Variants in DCUN1D4 observed in about 807,000 individuals in gnomAD.
The protein encoded by DCUN1D4 is defective in cullin neddylation 1 domain containing 4, also known as DCN1-like protein 4.
A neutral mutation model predicts 47.9 loss-of-function variants in DCUN1D4; 22 were observed. The ratio of observed to expected loss-of-function variants is 0.46; its 90% confidence interval spans 0.33 to 0.66. The LOEUF (loss-of-function observed/expected upper bound fraction) is 0.66, where lower values mean the gene tolerates loss of function less well. DCUN1D4 is among the 30% of genes least tolerant of loss of function. DCUN1D4 has a pLI of 0.02. For synonymous variants in DCUN1D4, 121 were observed against 112.2 expected, an observed-to-expected ratio of 1.08 and a Z score of -0.50; for missense variants, 301 against 340.8, an observed-to-expected ratio of 0.88 and a Z score of 0.92.
At chr4:51,868,074 C>G (rs1726257195) in intron 3 of DCUN1D4, among the ~76,000 whole-genome samples, 1 of 152,246 alleles carries the variant, frequency 6.6e-6, no homozygotes, top group Non-Finnish European at 1.5e-5. Flanking sequence ...ACGACAGTGC[C>G]TGGGCTCAGC....
intron 1 of DCUN1D4, among the ~76,000 whole-genome samples, chr4:51,857,304 A>G (rs557559652): frequency 6.6e-6 from 1 of 152,284 alleles, no homozygotes; most frequent in South Asian, 2.1e-4. Context: ...TTTTACAGCC[A>G]GTGTCTAACT....
At chr4:51,885,328 T>C (rs1313513001) in intron 5 of DCUN1D4, among the ~76,000 whole-genome samples, 3 of 151,978 alleles carry the variant, frequency 2.0e-5, no homozygotes, top group Non-Finnish European at 4.4e-5. Context: ...AAGAAATAAT[T>C]AGAAGGTAAA....
At chr4:51,866,398 GATGATGATGATGT>G (rs1725916591) in intron 3 of DCUN1D4, among the ~76,000 whole-genome samples, 1 of 118,716 alleles carries the variant, frequency 8.4e-6, no homozygotes, top group African/African-American at 4.9e-5. Flanking sequence ...TGATGATGAT[GATGATGATGATGT>G]ATTTTTTCCT....
rs796520185 is a variant in DCUN1D4 at position 51,846,821 on chromosome 4, TTTC to T, written c.25+3562_25+3564del. On this transcript the variant is annotated intron_variant, in intron 1 of 10. Transcript: ENST00000334635. ...ATTAAGGATCTAGGTTCTGCATCTT[TTTC>T]TTCTTCTATTAGTGTTTTAGCTTTT... 1.5e-4 allele frequency among the ~76,000 whole-genome samples: 23 copies of T among 152,354 alleles called. No individual in the cohort carries two copies. In the South Asian group the frequency reaches 2.3e-3, roughly 15 times the overall value.
At chr4:51,844,952 C>A (rs1241537922) in intron 1 of DCUN1D4, 1 of 985,386 alleles carries the variant, frequency 1.0e-6, no homozygotes, top group African/African-American at 1.7e-5. Flanking sequence ...TTCCCAGGGA[C>A]GGAGCGACTC....
chr4:51,871,228 C>G (rs1156438462), intron 3 of DCUN1D4, among the ~76,000 whole-genome samples: 1 of 151,080 alleles, frequency 6.6e-6, no homozygotes, highest in Non-Finnish European at 1.5e-5. Context: ...AGATGAGTAA[C>G]TTTTCCACAG....
At chr4:51,895,289 G>C (rs578245543) in intron 7 of DCUN1D4, among the ~76,000 whole-genome samples, 1 of 151,996 alleles carries the variant, frequency 6.6e-6, no homozygotes, top group Non-Finnish European at 1.5e-5. Flanking sequence ...AATCATTTCT[G>C]TCATTTCCTG....
At chr4:51,843,588 G>A (rs1721945044) in intron 1 of DCUN1D4, 4 of 1,272,660 alleles carry the variant, frequency 3.1e-6, no homozygotes, top group Admixed American at 4.2e-5. Context: ...CGGGGTGCAT[G>A]GAGGTGGAGG....
At chr4:51,862,114 T>C (rs1725161628) in intron 1 of DCUN1D4, among the ~76,000 whole-genome samples, 1 of 152,246 alleles carries the variant, frequency 6.6e-6, no homozygotes, top group Non-Finnish European at 1.5e-5. Context: ...ATTTAGAGCT[T>C]GAGGCCCTGC....
At chr4:51,881,660 TAAA>T (rs534474397) in intron 5 of DCUN1D4, among the ~76,000 whole-genome samples, 34 of 109,986 alleles carry the variant, frequency 3.1e-4, no homozygotes, top group African/African-American at 7.5e-4. Flanking sequence ...AGATACAAGT[TAAA>T]AAAAAAAAAA....
At chr4:51,871,877 A>G (rs1726949441) in intron 3 of DCUN1D4, among the ~76,000 whole-genome samples, 1 of 152,142 alleles carries the variant, frequency 6.6e-6, no homozygotes, top group South Asian at 2.1e-4. Context: ...CCAGGGCAGC[A>G]TTTTACAGGG....
the DCUN1D4 span, among the ~76,000 whole-genome samples, chr4:51,836,244 A>G: frequency 6.6e-6 from 1 of 152,176 alleles, no homozygotes; most frequent in African/African-American, 2.4e-5. Context: ...CAGGCCTTTG[A>G]TAATCATCAC....
In DCUN1D4 at chr4:51,913,749, G is replaced by T. The variant is rs904464726; in HGVS notation, c.*165G>T. The T allele has an allele frequency of 1.1e-5, 7 of 609,808 alleles. No individual in the cohort carries two copies. In the African/African-American group the frequency reaches 1.3e-4, roughly 11 times the overall value. 37.8% of individuals were successfully genotyped at this position (609,808 alleles called of 1,614,324 possible). A position where few individuals can be genotyped will look rare whatever the true frequency, so the allele number is the denominator to read the frequency against. On this transcript the variant is annotated 3_prime_UTR_variant, in exon 11 of 11. Transcript: ENST00000334635. ...TGAATTGGCCAGCTCTGCTTGCTGT[G>T]TGGCATTGTTCTCTTGGAAGGCTGC... is the stretch of plus-strand genomic sequence containing the variant.
In DCUN1D4 at chr4:51,877,784, G is replaced by A. The variant is rs377560220; in HGVS notation, c.273G>A (p.Ser91=). 1.9e-5 allele frequency: 31 copies of A among 1,609,350 alleles called. No homozygotes were observed. The highest frequency in any genetic ancestry group is 8.0e-5 in the African/African-American group (6 of 74,640). Residue 91 remains serine (S), a synonymous_variant, in exon 5 of 11, where the codon TCG becomes TCA. Coordinates refer to ENST00000334635, the MANE Select transcript of DCUN1D4 (RefSeq NM_001040402.3). Reference sequence around the variant, plus strand: ...CCAGCATGTATAGAAAATATGATTCGACTAGAATAAAGACTGAAGAAGAAG... The same window carrying A: ...CCAGCATGTATAGAAAATATGATTCAACTAGAATAAAGACTGAAGAAGAAG... The part of the protein sequence containing the change: ...RHDSMYRKYD[S]TRIKTEEEAF...
intron 7 of DCUN1D4, among the ~76,000 whole-genome samples, chr4:51,897,016 A>G (rs1032569398): frequency 1.3e-5 from 2 of 152,152 alleles, no homozygotes; most frequent in Non-Finnish European, 2.9e-5. Context: ...TGGACTTACC[A>G]TACTCCCATC....
At chr4:51,913,414 C>T (rs762788891) in intron 10 of DCUN1D4, 22 bp downstream of exon 10, 55 of 1,593,240 alleles carry the variant, frequency 3.5e-5, no homozygotes, top group Non-Finnish European at 4.6e-5. Flanking sequence ...CGCTACCATT[C>T]TGCCATTCGT....
intron 7 of DCUN1D4, among the ~76,000 whole-genome samples, chr4:51,897,159 C>T (rs959212676): frequency 6.6e-6 from 1 of 152,200 alleles, no homozygotes; most frequent in African/African-American, 2.4e-5. Context: ...TCTTTTCCGA[C>T]TCTAAAATAG....
chr4:51,857,049 A>G (rs1299533708), intron 1 of DCUN1D4, among the ~76,000 whole-genome samples: 1 of 152,190 alleles, frequency 6.6e-6, no homozygotes, highest in Admixed American at 6.5e-5. Context: ...CTCATACCGT[A>G]TTGTGAGATG....
Position 51,877,687 on chromosome 4 carries a change from A to G in DCUN1D4, c.252-76A>G, listed in dbSNP as rs571453693. ...ATTGAATAGATGTCTGGTTTGGGTA[A>G]AAGAATATAAATTATCTGCTACTTT... is the stretch of plus-strand genomic sequence containing the variant. On this transcript the variant is annotated intron_variant, in intron 4 of 10. Coordinates refer to ENST00000334635, the MANE Select transcript of DCUN1D4 (RefSeq NM_001040402.3). 4.4e-6 allele frequency: 4 copies of G among 902,502 alleles called. No homozygotes were observed. The African/African-American group carries it at 6.7e-5, about 15-fold the overall frequency. 55.9% of individuals were successfully genotyped at this position (902,502 alleles called of 1,614,324 possible).
Sources: gnomAD v4.1 joint callset for allele counts (sites outside exome capture counted in the v4.1 genomes callset) on GRCh38, gnomAD v4.1.1 for gene constraint, MANE v1.5 for transcripts, NCBI Gene and HGNC (gene_info 2026-07-23, HGNC 2026-07-21) for gene names.